ERBB4: variants seen among roughly 807,000 people sequenced by gnomAD.
ERBB4 encodes receptor tyrosine-protein kinase erbB-4.
Under a neutral mutation model 158.0 loss-of-function variants are expected in ERBB4, and 42 were observed. The ratio of observed to expected loss-of-function variants is 0.27; its 90% CI spans 0.21 to 0.34. The LOEUF is 0.34. Among genes scored for constraint, ERBB4 ranks in the 10% least tolerant of loss-of-function variants. ERBB4 has a pLI of 1.00. For synonymous variants in ERBB4, 583 were observed against 558.7 expected (o/e 1.04, Z -0.61); for missense variants, 1,333 against 1,624.1 (o/e 0.82, Z 3.08).
chr2:211,957,239 A>C (rs1404847585), intron 2 of ERBB4, among the ~76,000 whole-genome samples: 3 of 152,108 alleles, frequency 2.0e-5, no homozygotes, highest in Non-Finnish European at 4.4e-5. Flanking sequence ...GAGGTTATTA[A>C]GTCGGGCCCT....
intron 1 of ERBB4, among the ~76,000 whole-genome samples, chr2:212,140,885 G>C (rs977158646): frequency 6.7e-6 from 1 of 148,730 alleles, no homozygotes; most frequent in Non-Finnish European, 1.5e-5. Context: ...GTGTGTGTGT[G>C]TGTAGAGGGG....
chr2:212,443,522 G>A (rs2092294280), intron 1 of ERBB4, among the ~76,000 whole-genome samples: 1 of 152,194 alleles, frequency 6.6e-6, no homozygotes, highest in African/African-American at 2.4e-5. Context: ...ACACCTGGTA[G>A]GCCTATATGG....
chr2:212,319,046 G>A (rs1261729117), intron 1 of ERBB4, among the ~76,000 whole-genome samples: 2 of 151,550 alleles, frequency 1.3e-5, no homozygotes, highest in South Asian at 2.1e-4. Flanking sequence ...CATCACTGAA[G>A]TCTATGTCAC....
At chr2:212,399,561 T>TAC (rs1350664249) in intron 1 of ERBB4, among the ~76,000 whole-genome samples, 111 of 23,768 alleles carry the variant, frequency 4.7e-3, no homozygotes, top group Non-Finnish European at 7.2e-3. Flanking sequence ...TATATATATA[T>TAC]ATATATATAT....
At chr2:211,506,457 C>A (rs909975402) in intron 20 of ERBB4, among the ~76,000 whole-genome samples, 1 of 151,754 alleles carries the variant, frequency 6.6e-6, no homozygotes, top group Admixed American at 6.6e-5. Context: ...ACAGAGTATC[C>A]TTTTTTTTCT....
intron 2 of ERBB4, among the ~76,000 whole-genome samples, chr2:211,987,021 G>A (rs1205571218): frequency 6.6e-6 from 1 of 152,032 alleles, no homozygotes; most frequent in East Asian, 1.9e-4. Context: ...AGTCATAAAT[G>A]TAAAGAAATC....
intron 1 of ERBB4, among the ~76,000 whole-genome samples, chr2:212,444,197 A>G (rs1163166512): frequency 6.6e-6 from 1 of 152,198 alleles, no homozygotes; most frequent in South Asian, 2.1e-4. Flanking sequence ...CTTGGTTCAC[A>G]GATGGTTCTG....
In ERBB4 at chr2:212,351,106, A is replaced by G. The variant is rs375280380; in HGVS notation, c.82+187343T>C. Among the ~76,000 whole-genome samples, 19 of 152,258 alleles carry G rather than the reference A, an allele frequency of 1.2e-4. 1 individual carries two copies. The highest frequency in any genetic ancestry group is 4.6e-4 in the African/African-American group (19 of 41,572). ...GATTCTACTTGGAGTATGTACTTGGAGCCTTTAAAGAGGTGATTAGGTTAA... is the reference window on the plus strand; with the variant it reads ...GATTCTACTTGGAGTATGTACTTGGGGCCTTTAAAGAGGTGATTAGGTTAA... On this transcript the variant is annotated intron_variant, in intron 1 of 27. Transcript: ENST00000342788.
chr2:212,124,677 G>T, intron 2 of ERBB4, 75 bp downstream of exon 2: 2 of 1,529,702 alleles, frequency 1.3e-6, no homozygotes, highest in Non-Finnish European at 9.1e-7. Flanking sequence ...CCAGGTATCA[G>T]CACACAGGTC....
chr2:211,823,788 C>A (rs2077042282), intron 3 of ERBB4, among the ~76,000 whole-genome samples: 1 of 151,994 alleles, frequency 6.6e-6, no homozygotes. Context: ...GTCAGGTTTT[C>A]TAAATGACTG....
In ERBB4 at chr2:212,510,979, G is replaced by A. The variant is rs370169354; in HGVS notation, c.82+27470C>T. Among the ~76,000 whole-genome samples the A allele has an allele frequency of 2.6e-5, 4 of 151,850 alleles. No individual in the cohort carries two copies. In the East Asian group the frequency reaches 7.7e-4, roughly 29 times the overall value. On this transcript the variant is annotated intron_variant, in intron 1 of 27. Coordinates refer to ENST00000342788, the MANE Select transcript of ERBB4 (RefSeq NM_005235.3). ...AATTATAATAACAAAATACTAATAA[G>A]AATATATGACCCCAAAAATGGAATG...
chr2:211,943,171 G>A (rs1226118799), intron 3 of ERBB4, among the ~76,000 whole-genome samples: 1 of 151,970 alleles, frequency 6.6e-6, no homozygotes, highest in African/African-American at 2.4e-5. Context: ...AACAGATGAG[G>A]TGATTTTATA....
chr2:212,184,963 T>C (rs948618617), intron 1 of ERBB4, among the ~76,000 whole-genome samples: 1 of 151,920 alleles, frequency 6.6e-6, no homozygotes, highest in African/African-American at 2.4e-5. Context: ...TCATAACACA[T>C]ATACACACCA....
chr2:211,697,163 TAA>T (rs1559429223), intron 12 of ERBB4, among the ~76,000 whole-genome samples: 1 of 152,190 alleles, frequency 6.6e-6, no homozygotes, highest in Non-Finnish European at 1.5e-5. Flanking sequence ...TTGTAATAAC[TAA>T]ATTAAACAAT....
At chr2:212,209,843 T>TA (rs2082876688) in intron 1 of ERBB4, among the ~76,000 whole-genome samples, 1 of 152,110 alleles carries the variant, frequency 6.6e-6, no homozygotes, top group Admixed American at 6.6e-5. Context: ...CATTGGGCAA[T>TA]ATGTATGTTG....
rs1303216170 is a variant in ERBB4, at chr2:211,562,103, T to G, written c.2302-15A>C. The G allele has an allele frequency of 1.9e-6, 3 of 1,608,014 alleles. No individual in the cohort carries two copies. The Admixed American group carries it at 5.0e-5, about 27-fold the overall frequency. On this transcript the variant is annotated splice_polypyrimidine_tract_variant and intron_variant, in intron 19 of 27. Transcript: ENST00000342788. Reference sequence around the variant, plus strand: ...ATCAGAGCTTCCTGTAAGAAAAAAATGCAATACCATGATTTCAACTCAAAT... The same window carrying G: ...ATCAGAGCTTCCTGTAAGAAAAAAAGGCAATACCATGATTTCAACTCAAAT...
chr2:212,176,619 C>T (rs1286461930), intron 1 of ERBB4, among the ~76,000 whole-genome samples: 1 of 151,900 alleles, frequency 6.6e-6, no homozygotes, highest in Non-Finnish European at 1.5e-5. Flanking sequence ...TATTATGTCT[C>T]CCTTTTTCAC....
chr2:211,539,570 C>T (rs560268127), intron 20 of ERBB4, among the ~76,000 whole-genome samples: 1 of 152,054 alleles, frequency 6.6e-6, no homozygotes, highest in South Asian at 2.1e-4. Flanking sequence ...ATGTCATTCA[C>T]ACACCTTAAA....
chr2:211,417,240 C>A (rs144732092), intron 25 of ERBB4, among the ~76,000 whole-genome samples: 4 of 152,046 alleles, frequency 2.6e-5, no homozygotes, highest in Non-Finnish European at 4.4e-5. Flanking sequence ...TGGGAGGCCA[C>A]GGTGGGTGGA....
Sources: allele counts gnomAD v4.1 joint callset (sites outside exome capture counted in the v4.1 genomes callset), GRCh38; gene constraint gnomAD v4.1.1; transcripts MANE v1.5; gene names NCBI Gene and HGNC (gene_info 2026-07-23, HGNC 2026-07-21).